Variants in RUNX2 observed in about 807,000 individuals in gnomAD.
The protein encoded by RUNX2 is RUNX family transcription factor 2.
In RUNX2, 10 loss-of-function variants were observed where a neutral mutation model predicts 51.7. The observed-to-expected ratio is 0.19, with a 90% confidence interval of 0.12 to 0.33. The LOEUF is 0.33. Among genes scored for constraint, RUNX2 ranks in the 10% least tolerant of loss-of-function variants. The pLI is 1.00. For missense variants in RUNX2, 562 were observed against 691.3 expected (o/e 0.81, Z 2.10); for synonymous variants, 276 against 273.6 (o/e 1.01, Z -0.09).
chr6:45,428,001 TCTC>T (rs2150365580), intron 3 of RUNX2, among the ~76,000 whole-genome samples: 1 of 152,174 alleles, frequency 6.6e-6, no homozygotes, highest in East Asian at 1.9e-4. Flanking sequence ...GAAAATTACT[TCTC>T]CTTTTCTCAT....
chr6:45,439,701 T>TTG lies in RUNX2; in HGVS notation c.685+1658_685+1659dup, dbSNP rs199654173. 6.1e-3 allele frequency among the ~76,000 whole-genome samples: 929 copies of TTG among 151,908 alleles called. 7 individuals are homozygous for TTG. Among genetic ancestry groups the TTG allele is most frequent in the African/African-American group, 0.021 (861 of 41,414 alleles). On this transcript the variant is annotated intron_variant, in intron 5 of 8. Coordinates refer to ENST00000647337, the MANE Select transcript of RUNX2 (RefSeq NM_001024630.4). ...TGTGTGTGTATGTGTGTGTGTATGT[T>TTG]TGTGTGTGTATATGTGTACATACAC...
intron 7 of RUNX2, among the ~76,000 whole-genome samples, chr6:45,534,509 C>A (rs1801970666): frequency 6.6e-6 from 1 of 152,012 alleles, no homozygotes; most frequent in Non-Finnish European, 1.5e-5. Flanking sequence ...GATGTGGGAC[C>A]TGATGGTTTG....
intron 5 of RUNX2, among the ~76,000 whole-genome samples, chr6:45,457,521 AATCCTG>A (rs1799349810): frequency 1.3e-5 from 2 of 152,154 alleles, no homozygotes; most frequent in South Asian, 4.1e-4. Flanking sequence ...AGACTCTAAA[AATCCTG>A]AAAAGTATAA....
rs1283961169 is a variant in RUNX2, at chr6:45,548,773, T to G, written c.*1468T>G. ...AGACACCTAGTACAGGAGAGCAAAA[T>G]TGCACCAGAGATTCTTAACCAACCA... On this transcript the variant is annotated 3_prime_UTR_variant, in exon 9 of 9. Coordinates refer to ENST00000647337, the MANE Select transcript of RUNX2 (RefSeq NM_001024630.4). The G allele has an allele frequency of 5.5e-6, 1 of 183,446 alleles. No individual in the cohort carries two copies. The highest frequency in any genetic ancestry group is 1.1e-5 in the Non-Finnish European group (1 of 88,864). The allele number at this position is 183,446 out of a possible 1,614,324, so 11.4% of individuals were successfully genotyped here. A position where few individuals can be genotyped will look rare whatever the true frequency, so the allele number is the denominator to read the frequency against.
intron 2 of RUNX2, among the ~76,000 whole-genome samples, chr6:45,394,746 G>C (rs888809201): frequency 2.6e-5 from 4 of 152,182 alleles, no homozygotes; most frequent in African/African-American, 7.2e-5. Context: ...GGAGGCTGGA[G>C]TTGGGTATTT....
chr6:45,536,182 C>T (rs1484442980), intron 7 of RUNX2, among the ~76,000 whole-genome samples: 3 of 151,910 alleles, frequency 2.0e-5, no homozygotes, highest in Non-Finnish European at 2.9e-5. Flanking sequence ...TGTCACAACC[C>T]GGAAGCCCCT....
intron 2 of RUNX2, among the ~76,000 whole-genome samples, chr6:45,373,102 C>T (rs556860565): frequency 9.2e-5 from 14 of 152,226 alleles, no homozygotes; most frequent in Admixed American, 6.5e-4. Context: ...TCACCGCACC[C>T]GGCCCAGCTA....
chr6:45,431,525 G>A (rs567147301), intron 3 of RUNX2, among the ~76,000 whole-genome samples: 48 of 152,202 alleles, frequency 3.2e-4, no homozygotes, highest in Non-Finnish European at 6.2e-4. Flanking sequence ...TCTGTATGAT[G>A]CAATCTGCAG....
chr6:45,469,498 T>G (rs1279047310), intron 5 of RUNX2, among the ~76,000 whole-genome samples: 3 of 152,232 alleles, frequency 2.0e-5, no homozygotes. Flanking sequence ...GTACACATAC[T>G]TATGAATATG....
chr6:45,408,712 G>GA (rs1797888839), intron 2 of RUNX2, among the ~76,000 whole-genome samples: 1 of 152,084 alleles, frequency 6.6e-6, no homozygotes, highest in East Asian at 1.9e-4. Context: ...TCTTCCTCCT[G>GA]TGTATCAACC....
intron 6 of RUNX2, among the ~76,000 whole-genome samples, chr6:45,503,335 G>C (rs12206522): frequency 6.6e-6 from 1 of 152,138 alleles, no homozygotes; most frequent in African/African-American, 2.4e-5. Flanking sequence ...TACCAGAGTA[G>C]ATACCTGATA....
chr6:45,509,912 G>T (rs887855860), intron 6 of RUNX2, among the ~76,000 whole-genome samples: 15 of 152,200 alleles, frequency 9.9e-5, no homozygotes, highest in African/African-American at 3.6e-4. Context: ...AGTTAGATGA[G>T]AACTCAAATC....
At chr6:45,346,567 C>CTTTT (rs71745024) in intron 2 of RUNX2, among the ~76,000 whole-genome samples, 15,715 of 140,252 alleles carry the variant, frequency 0.11, 1,176 homozygotes, top group East Asian at 0.24. Flanking sequence ...ATAAACATTT[C>CTTTT]TTTTTTTTTT....
At chr6:45,484,539 C>T (rs1040889212) in intron 5 of RUNX2, among the ~76,000 whole-genome samples, 7 of 152,126 alleles carry the variant, frequency 4.6e-5, no homozygotes, top group East Asian at 1.9e-4. Flanking sequence ...TGTAGGAATG[C>T]AGAAAATCAA....
chr6:45,516,727 G>A (rs758781612), intron 7 of RUNX2, among the ~76,000 whole-genome samples: 1 of 152,156 alleles, frequency 6.6e-6, no homozygotes, highest in Non-Finnish European at 1.5e-5. Flanking sequence ...AATTGCAATC[G>A]TATCACCCAT....
At chr6:45,379,993 G>A (rs1301042196) in intron 2 of RUNX2, among the ~76,000 whole-genome samples, 1 of 152,218 alleles carries the variant, frequency 6.6e-6, no homozygotes, top group Non-Finnish European at 1.5e-5. Context: ...TGGGCTGTTG[G>A]CAGAGATCTG....
Position 45,422,725 on chromosome 6 carries a change from A to G in RUNX2, c.191A>G (p.Gln64Arg), listed in dbSNP as rs1490532126. 1 of 1,586,334 alleles carries G rather than the reference A, an allele frequency of 6.3e-7. No individual in the cohort carries two copies. The highest frequency in any genetic ancestry group is 8.6e-7 in the Non-Finnish European group (1 of 1,168,832). ...CAGCAGCAACAGCAGCAGCAGCAGCAGCAACAGCAGCAGCAGCAGCAGGAG... is the reference window on the plus strand; with the variant it reads ...CAGCAGCAACAGCAGCAGCAGCAGCGGCAACAGCAGCAGCAGCAGCAGGAG... ...QQQQQQQQQQ[Q>R]QQQQQQQEAA... The change falls in exon 3 of 9, where the codon CAG becomes CGG. Residue 64 changes from glutamine to arginine, a missense_variant. Gln to Arg is a conservative substitution (Grantham distance 43). This residue lies in a region of RUNX2 where 153 missense variants were observed against 144.8 expected (regional missense o/e 1.06). Transcript: ENST00000647337.
chr6:45,505,018 C>T (rs1164821761), intron 6 of RUNX2, among the ~76,000 whole-genome samples: 2 of 152,194 alleles, frequency 1.3e-5, no homozygotes, highest in Non-Finnish European at 2.9e-5. Flanking sequence ...TCCTGTTACA[C>T]AGAAGCCTGC....
chr6:45,528,750 T>C (rs1357083367), intron 7 of RUNX2, among the ~76,000 whole-genome samples: 1 of 152,176 alleles, frequency 6.6e-6, no homozygotes, highest in Non-Finnish European at 1.5e-5. Context: ...AAGAAACACT[T>C]AGGCAAGGGG....
Sources: gnomAD v4.1 joint callset for allele counts (sites outside exome capture counted in the v4.1 genomes callset) on GRCh38, gnomAD v4.1.1 for gene constraint, gnomAD v4.1.1 regional missense constraint, MANE v1.5 for transcripts, NCBI Gene and HGNC (gene_info 2026-07-23, HGNC 2026-07-21) for gene names.